The following CACNA1D variants were observed in gnomAD, a reference collection of about 807,000 sequenced individuals.
CACNA1D encodes the protein calcium voltage-gated channel subunit alpha1 D, also known as voltage-dependent L-type calcium channel subunit alpha-1D.
Under a neutral mutation model 257.1 loss-of-function variants are expected in CACNA1D, and 55 were observed. The observed-to-expected ratio is 0.21, with a 90% CI of 0.17 to 0.27. The LOEUF is 0.27. Ranked by LOEUF, CACNA1D falls within the 10% of genes least tolerant of loss-of-function variation. CACNA1D has a pLI of 1.00. For synonymous variants in CACNA1D, 980 were observed against 1,014.9 expected (o/e 0.97, Z 0.65); for missense variants, 1,876 against 2,784.0 (o/e 0.67, Z 7.34).
At chr3:53,711,929 TC>T (rs764266169) in intron 9 of CACNA1D, among the ~76,000 whole-genome samples, 34 of 152,188 alleles carry the variant, frequency 2.2e-4, no homozygotes, top group Non-Finnish European at 4.7e-4. Context: ...TCTGTAGCAT[TC>T]ACGGAAGGTT....
At chr3:53,805,587 G>A (rs1269128723) in intron 45 of CACNA1D, among the ~76,000 whole-genome samples, 2 of 152,112 alleles carry the variant, frequency 1.3e-5, no homozygotes, top group Non-Finnish European at 2.9e-5. Flanking sequence ...CTGTGCCGCA[G>A]GCCTGTCTTG....
At chr3:53,682,658 T>C (rs1340822546) in intron 8 of CACNA1D, among the ~76,000 whole-genome samples, 1 of 152,152 alleles carries the variant, frequency 6.6e-6, no homozygotes, top group African/African-American at 2.4e-5. Flanking sequence ...TCTACTTTTA[T>C]GGATGTTTGA....
intron 3 of CACNA1D, among the ~76,000 whole-genome samples, chr3:53,634,691 G>C (rs974556691): frequency 6.6e-6 from 1 of 152,206 alleles, no homozygotes; most frequent in Non-Finnish European, 1.5e-5. Context: ...ACCACATTCA[G>C]TGACAGCAGG....
At chr3:53,745,580 C>A in intron 23 of CACNA1D, 44 bp from the exon 24 acceptor site, 4 of 1,337,710 alleles carry the variant, frequency 3.0e-6, no homozygotes, top group Non-Finnish European at 4.3e-6. Context: ...CACCTCAAGG[C>A]CAAAATCACA....
At chr3:53,625,883 G>A (rs1289579481) in intron 3 of CACNA1D, among the ~76,000 whole-genome samples, 1 of 152,182 alleles carries the variant, frequency 6.6e-6, no homozygotes, top group Non-Finnish European at 1.5e-5. Context: ...ATGCAGAAAG[G>A]ACCTGAAGAT....
intron 40 of CACNA1D, among the ~76,000 whole-genome samples, chr3:53,797,303 C>T (rs996142125): frequency 6.6e-6 from 1 of 152,176 alleles, no homozygotes; most frequent in Non-Finnish European, 1.5e-5. Flanking sequence ...TTGGGAACAT[C>T]TGTTTCCCTC....
intron 40 of CACNA1D, among the ~76,000 whole-genome samples, chr3:53,795,341 T>C (rs2095502828): frequency 6.6e-6 from 1 of 152,186 alleles, no homozygotes; most frequent in African/African-American, 2.4e-5. Flanking sequence ...GTCGTGACTA[T>C]AGGTGAGTAA....
chr3:53,740,657 G>GT (rs2095108503), intron 21 of CACNA1D, among the ~76,000 whole-genome samples: 1 of 136,906 alleles, frequency 7.3e-6, no homozygotes, highest in African/African-American at 2.7e-5. Flanking sequence ...ATTCCAACTT[G>GT]TTTTTGCTCT....
At chr3:53,810,779 AAAAAAAAC>A (rs1478089503) in intron 47 of CACNA1D, among the ~76,000 whole-genome samples, 4 of 119,422 alleles carry the variant, frequency 3.3e-5, no homozygotes, top group East Asian at 3.0e-4. Context: ...AAAAAAAAAA[AAAAAAAAC>A]AAAAACTGGT....
chr3:53,684,200 A>G (rs2094455165), intron 8 of CACNA1D, among the ~76,000 whole-genome samples: 1 of 152,250 alleles, frequency 6.6e-6, no homozygotes, highest in Non-Finnish European at 1.5e-5. Flanking sequence ...AGGAAGTAGA[A>G]AAACTTTCAG....
chr3:53,627,101 A>T (rs1223056808), intron 3 of CACNA1D, among the ~76,000 whole-genome samples: 2 of 152,196 alleles, frequency 1.3e-5, no homozygotes, highest in Admixed American at 1.3e-4. Flanking sequence ...AGGCAGCAGC[A>T]CCCTTGGTCT....
intron 3 of CACNA1D, among the ~76,000 whole-genome samples, chr3:53,647,509 G>A (rs1485265302): frequency 1.3e-5 from 2 of 152,150 alleles, no homozygotes; most frequent in African/African-American, 2.4e-5. Context: ...AGACCTCAGT[G>A]TCCTCTATGT....
intron 4 of CACNA1D, among the ~76,000 whole-genome samples, chr3:53,651,366 C>CTTTGTTTTTTTT (rs2094091595): frequency 1.2e-5 from 1 of 81,836 alleles, no homozygotes; most frequent in Non-Finnish European, 2.3e-5. Context: ...TATTAATTTT[C>CTTTGTTTTTTTT]TTTTTTTTTT....
At chr3:53,626,358 A>G (rs2093758402) in intron 3 of CACNA1D, among the ~76,000 whole-genome samples, 1 of 152,194 alleles carries the variant, frequency 6.6e-6, no homozygotes, top group Non-Finnish European at 1.5e-5. Flanking sequence ...AGCTAGCTTT[A>G]TATATGGTTG....
chr3:53,674,703 G>T (rs564354000), intron 8 of CACNA1D, among the ~76,000 whole-genome samples: 1 of 152,336 alleles, frequency 6.6e-6, no homozygotes, highest in Admixed American at 6.5e-5. Context: ...CTACAGAGAA[G>T]GGAGCTGGGG....
intron 3 of CACNA1D, among the ~76,000 whole-genome samples, chr3:53,596,652 C>T (rs6445588): frequency 0.21 from 31,676 of 151,966 alleles, 4,073 homozygotes; most frequent in African/African-American, 0.36. Flanking sequence ...AGTGATGTAA[C>T]CACGAGCCAA....
At chr3:53,608,134 A>G (rs958619709) in intron 3 of CACNA1D, among the ~76,000 whole-genome samples, 2 of 152,190 alleles carry the variant, frequency 1.3e-5, no homozygotes, top group African/African-American at 4.8e-5. Flanking sequence ...ATGAACATGT[A>G]TATTTCTCAT....
At chr3:53,698,793 G>A (rs1004359162) in intron 8 of CACNA1D, among the ~76,000 whole-genome samples, 3 of 146,774 alleles carry the variant, frequency 2.0e-5, no homozygotes, top group Non-Finnish European at 4.5e-5. Context: ...GTAAAGGGTA[G>A]CACACTTTAT....
intron 39 of CACNA1D, 109 bp from the exon 40 acceptor site, chr3:53,786,713 G>A (rs1454848759): frequency 1.9e-5 from 9 of 467,656 alleles, no homozygotes; most frequent in East Asian, 6.1e-5. Flanking sequence ...GCGCCGGACC[G>A]CCCACCCGCC....
Sources: allele counts gnomAD v4.1 joint callset (sites outside exome capture counted in the v4.1 genomes callset), GRCh38; gene constraint gnomAD v4.1.1; transcripts MANE v1.5; gene names NCBI Gene and HGNC (gene_info 2026-07-23, HGNC 2026-07-21).